CAMK2B: variants seen among roughly 807,000 people sequenced by gnomAD.
CAMK2B encodes calcium/calmodulin-dependent protein kinase type II subunit beta.
A neutral mutation model predicts 93.7 loss-of-function variants in CAMK2B; 27 were observed. The ratio of observed to expected loss-of-function variants is 0.29; its 90% confidence interval spans 0.21 to 0.40. The LOEUF (loss-of-function observed/expected upper bound fraction) is 0.40, where lower values mean the gene tolerates loss of function less well. Ranked by LOEUF, CAMK2B falls within the 10% of genes least tolerant of loss-of-function variation. CAMK2B has a pLI of 1.00. For missense variants in CAMK2B, 568 were observed against 895.8 expected (o/e 0.63, Z 4.67); for synonymous variants, 374 against 358.8 (o/e 1.04, Z -0.48).
intron 1 of CAMK2B, among the ~76,000 whole-genome samples, chr7:44,307,112 AG>A (rs1792003804): frequency 1.5e-5 from 1 of 65,604 alleles, no homozygotes; most frequent in Admixed American, 1.6e-4. Context: ...GGGTGTGAGC[AG>A]GAGGAGGGTG....
chr7:44,316,278 G>A (rs1794814355), intron 1 of CAMK2B, among the ~76,000 whole-genome samples: 1 of 151,986 alleles, frequency 6.6e-6, no homozygotes, highest in African/African-American at 2.4e-5. Flanking sequence ...CTATTGAAAT[G>A]GTTCATATAG....
Position 44,283,531 on chromosome 7 carries a change from C to T in CAMK2B, c.160+600G>A, listed in dbSNP as rs528392466. Among the ~76,000 whole-genome samples, 55 of 152,346 alleles carry T rather than the reference C, an allele frequency of 3.6e-4. 1 individual carries two copies. The South Asian group carries it at 0.011, about 31-fold the overall frequency. ...CACCCTGCACGTCTGAGAAGCCCTC[C>T]CAGGACAGGCGGAGTGCCCTGCCAC... On this transcript the variant is annotated intron_variant, in intron 2 of 23. Transcript: ENST00000395749.
chr7:44,254,629 GT>G (rs752310486), intron 4 of CAMK2B, 22 bp from the exon 5 acceptor site: 1 of 1,593,620 alleles, frequency 6.3e-7, no homozygotes, highest in Non-Finnish European at 8.6e-7. Flanking sequence ...GCATGAAGGG[GT>G]CACAGATTCT....
At chr7:44,316,347 T>A (rs1442079758) in intron 1 of CAMK2B, among the ~76,000 whole-genome samples, 1 of 152,230 alleles carries the variant, frequency 6.6e-6, no homozygotes, top group Non-Finnish European at 1.5e-5. Flanking sequence ...GTATGCTGAA[T>A]GAACCTTTCA....
In CAMK2B at chr7:44,241,385, T is replaced by C. The variant is rs114990331; in HGVS notation, c.903+315A>G. 3.8e-3 allele frequency among the ~76,000 whole-genome samples: 572 copies of C among 152,336 alleles called. 3 individuals carry two copies. The highest frequency in any genetic ancestry group is 0.013 in the African/African-American group (537 of 41,584). On this transcript the variant is annotated intron_variant, in intron 11 of 23. Transcript: ENST00000395749. ...ACTTGCTTGTACTAAACAGTGTGAC[T>C]GCCAGAGGGTGAGTGCTGCCTGCAG...
At chr7:44,242,469 C>T in intron 9 of CAMK2B, 91 bp downstream of exon 9, 1 of 1,498,052 alleles carries the variant, frequency 6.7e-7, no homozygotes, top group Non-Finnish European at 9.1e-7. Flanking sequence ...CCACAGGTGG[C>T]TTCACCCCAC....
In CAMK2B at chr7:44,220,116, C is replaced by T. The variant is rs2096381067; in HGVS notation, c.1947G>A (p.Lys649=). The change falls in exon 23 of 24, where the codon AAG becomes AAA. Residue 649 remains lysine, a synonymous_variant. Transcript: ENST00000395749. Reference sequence around the variant, plus strand: ...AGCAGTGGAAGTGCACGTTCTGCCACTTGCCGTCGCGGCGGTGCCACACGC... The same window carrying T: ...AGCAGTGGAAGTGCACGTTCTGCCATTTGCCGTCGCGGCGGTGCCACACGC... ...ETRVWHRRDG[K]WQNVHFHCSG... is the part of the protein sequence containing the mutation. The T allele has an allele frequency of 3.1e-6, 5 of 1,611,010 alleles. No individual in the cohort carries two copies. The highest frequency in any genetic ancestry group is 3.3e-5 in the Admixed American group (2 of 59,900).
At chr7:44,284,481 C>A (rs1484537705) in intron 1 of CAMK2B, among the ~76,000 whole-genome samples, 2 of 152,246 alleles carry the variant, frequency 1.3e-5, no homozygotes, top group African/African-American at 4.8e-5. Context: ...GATGGCACGC[C>A]CTGGGGGGCT....
In CAMK2B at chr7:44,225,844, G is replaced by A; in HGVS notation, c.1597+672C>T. ...ATCTCCACACCACCCCCAGTCTGGT[G>A]TCTCCCCACAGGTGGGGGTGGCAGC... On this transcript the variant is annotated intron_variant, in intron 20 of 23. Coordinates refer to ENST00000395749, the MANE Select transcript of CAMK2B (RefSeq NM_001220.5). This position sits in a 1 kb window ranked among gnomAD's most constrained non-coding sequence, Gnocchi z 5.0. The A allele has an allele frequency of 1.6e-6, 2 of 1,289,312 alleles. No individual in the cohort carries two copies. The highest frequency in any genetic ancestry group is 2.5e-5 in the South Asian group (2 of 81,024). The allele number at this position is 1,289,312 out of a possible 1,614,324, so 79.9% of individuals were successfully genotyped here. A position where few individuals can be genotyped will look rare whatever the true frequency, so the allele number is the denominator to read the frequency against.
Position 44,220,898 on chromosome 7 carries a change from C to T in CAMK2B, c.1601G>A (p.Arg534Gln), listed in dbSNP as rs370358128. ...TIPGPLPTPSRKQEIIKTTEQ... is the reference protein window; with the variant it reads ...TIPGPLPTPSQKQEIIKTTEQ... ...CGTGGTCTTAATGATCTCCTGCTTC[C>T]GGGCTGTGGGGAGACATGGCCAGGT... is the stretch of plus-strand genomic sequence containing the variant. Residue 534 changes from arginine (R) to glutamine (Q), a missense_variant, in exon 21 of 24, where the codon CGG (arginine) becomes CAG (glutamine). Arg to Gln is a conservative substitution (Grantham distance 43, BLOSUM62 1). Around this residue, in one of 4 missense-constraint regions of CAMK2B, gnomAD observed 308 missense variants for 292.1 expected, o/e 1.05. Transcript: ENST00000395749. 9.6e-6 allele frequency: 15 copies of T among 1,564,204 alleles called. No individual in the cohort carries two copies. Among genetic ancestry groups the T allele is most frequent in the East Asian group, 2.4e-5 (1 of 42,364 alleles).
intron 1 of CAMK2B, among the ~76,000 whole-genome samples, chr7:44,302,882 G>A (rs981949964): frequency 1.3e-5 from 2 of 152,046 alleles, no homozygotes; most frequent in African/African-American, 4.8e-5. Flanking sequence ...ACTGCTATTC[G>A]ACATCTTACT....
At chr7:44,258,628 G>A (rs1408255461) in intron 4 of CAMK2B, among the ~76,000 whole-genome samples, 1 of 152,230 alleles carries the variant, frequency 6.6e-6, no homozygotes, top group Non-Finnish European at 1.5e-5. Flanking sequence ...GAGGAGAGGG[G>A]GAGTCCAGGA....
chr7:44,239,707 G>T, intron 12 of CAMK2B, 44 bp from the exon 13 acceptor site: 1 of 1,372,574 alleles, frequency 7.3e-7, no homozygotes. Context: ...AGGGGTGGGC[G>T]GACACAGACG....
intron 2 of CAMK2B, among the ~76,000 whole-genome samples, chr7:44,283,375 G>A (rs1274580015): frequency 6.6e-6 from 1 of 152,254 alleles, no homozygotes. Flanking sequence ...GCAGGAGCCT[G>A]TCTGCTCCAT....
intron 5 of CAMK2B, among the ~76,000 whole-genome samples, chr7:44,250,364 T>C (rs567860622): frequency 2.0e-5 from 3 of 152,296 alleles, no homozygotes; most frequent in East Asian, 3.9e-4. Context: ...TTTGTTTTTG[T>C]TTTTTCATGT....
In CAMK2B at chr7:44,220,046, C is replaced by T. The variant is rs1362187470; in HGVS notation, c.*2+14G>A. ...CCCCTCTGCCCCAGCTGTCACTTAG[C>T]ACAGAACACTCACCTTCACTGCAGC... is the stretch of plus-strand genomic sequence containing the variant. On this transcript the variant is annotated intron_variant, in intron 23 of 23. Transcript: ENST00000395749. 1.3e-6 allele frequency: 2 copies of T among 1,550,994 alleles called. No individual in the cohort carries two copies. Among genetic ancestry groups the T allele is most frequent in the African/African-American group, 2.7e-5 (2 of 73,680 alleles).
chr7:44,283,490 G>A (rs989766552), intron 2 of CAMK2B, among the ~76,000 whole-genome samples: 1 of 152,226 alleles, frequency 6.6e-6, no homozygotes, highest in African/African-American at 2.4e-5. Context: ...CACCACTCAA[G>A]GCCCTTCCTC....
chr7:44,235,773 T>C (rs868621503), intron 13 of CAMK2B, among the ~76,000 whole-genome samples: 116 of 152,288 alleles, frequency 7.6e-4, no homozygotes, highest in African/African-American at 2.7e-3. Flanking sequence ...AGTGTGAGGA[T>C]GCTTGCCCCC....
chr7:44,226,453 A>G (rs1261182479), intron 20 of CAMK2B, 63 bp downstream of exon 20: 87 of 1,287,400 alleles, frequency 6.8e-5, no homozygotes, highest in Non-Finnish European at 8.3e-5. Context: ...CACCACTGCC[A>G]GGCTCGCACG....
Sources: allele counts gnomAD v4.1 joint callset (sites outside exome capture counted in the v4.1 genomes callset), GRCh38; gene constraint gnomAD v4.1.1; regional missense constraint gnomAD v4.1.1; non-coding constraint Gnocchi (gnomAD v3.1); transcripts MANE v1.5; gene names NCBI Gene and HGNC (gene_info 2026-07-23, HGNC 2026-07-21).